The following FAAH2 variants were observed in gnomAD, a reference collection of about 807,000 sequenced individuals.
FAAH2 encodes fatty acid amide hydrolase 2.
Under a neutral mutation model 36.9 loss-of-function variants are expected in FAAH2, and 60 were observed. That is an observed-to-expected ratio of 1.63 (90% CI 1.32 to 2.02). The LOEUF is 2.02. Ranked by LOEUF, FAAH2 falls within the 30% of genes most tolerant of loss-of-function variation. FAAH2 has a pLI of 0.00. For missense variants in FAAH2, 689 were observed against 397.5 expected, an observed-to-expected ratio of 1.73 and a Z score of -6.23; for synonymous variants, 214 against 143.8, an observed-to-expected ratio of 1.49 and a Z score of -3.49.
At chrX:57,236,904 A>G in the FAAH2 span, among the ~76,000 whole-genome samples, 1 of 75,839 alleles carries the variant, frequency 1.3e-5, no homozygotes, top group Middle Eastern at 8.5e-3. Flanking sequence ...TGTGCTTTTC[A>G]TGTACCACCA....
intron 2 of FAAH2, among the ~76,000 whole-genome samples, chrX:57,293,521 T>G (rs2052046793): frequency 8.9e-6 from 1 of 112,045 alleles, no homozygotes; most frequent in Admixed American, 9.5e-5. Flanking sequence ...GATGCCAAGC[T>G]TACATAACAG....
chrX:57,268,023 A>G, the FAAH2 span, among the ~76,000 whole-genome samples: 1 of 112,264 alleles, frequency 8.9e-6, no homozygotes, highest in African/African-American at 3.2e-5. Context: ...TGACAAGTAC[A>G]ATTCAGAATA....
At chrX:57,358,862 C>G (rs2054222793) in intron 5 of FAAH2, among the ~76,000 whole-genome samples, 1 of 111,221 alleles carries the variant, frequency 9.0e-6, no homozygotes, top group Non-Finnish European at 1.9e-5. Flanking sequence ...TCTGATTCCT[C>G]TACATCCTTG....
chrX:57,377,916 A>C (rs1489438275), intron 5 of FAAH2, among the ~76,000 whole-genome samples: 1 of 111,769 alleles, frequency 8.9e-6, no homozygotes, highest in Non-Finnish European at 1.9e-5. Context: ...ATTGTGAATG[A>C]GCGCTCACTC....
the FAAH2 span, among the ~76,000 whole-genome samples, chrX:57,218,259 A>G: frequency 1.8e-4 from 20 of 111,685 alleles, no homozygotes; most frequent in South Asian, 7.2e-3. Flanking sequence ...TGATATAGTG[A>G]CAGTCCTTGT....
At chrX:57,258,447 C>A in the FAAH2 span, among the ~76,000 whole-genome samples, 1 of 110,256 alleles carries the variant, frequency 9.1e-6, no homozygotes, top group Non-Finnish European at 1.9e-5. Flanking sequence ...ATAATTGGGA[C>A]TATATCAATC....
At chrX:57,420,624 A>G (rs2055992425) in intron 7 of FAAH2, among the ~76,000 whole-genome samples, 1 of 109,605 alleles carries the variant, frequency 9.1e-6, no homozygotes, top group Non-Finnish European at 1.9e-5. Context: ...TTTTGGGCTG[A>G]GACAATGTGG....
intron 1 of FAAH2, among the ~76,000 whole-genome samples, chrX:57,287,786 C>T (rs939903080): frequency 8.1e-5 from 9 of 111,591 alleles, no homozygotes; most frequent in African/African-American, 2.9e-4. Flanking sequence ...CTTGTTTTCA[C>T]CTCTCTGCTG....
At chrX:57,339,617 A>T (rs1258871447) in intron 4 of FAAH2, among the ~76,000 whole-genome samples, 1 of 112,421 alleles carries the variant, frequency 8.9e-6, no homozygotes, top group Non-Finnish European at 1.9e-5. Context: ...TCCTCAAAAG[A>T]AAACATTAAT....
At chrX:57,281,187 C>T in the FAAH2 span, among the ~76,000 whole-genome samples, 1 of 111,449 alleles carries the variant, frequency 9.0e-6, no homozygotes, top group Non-Finnish European at 1.9e-5. Context: ...AGGATGTTAC[C>T]ATTGGGGGAA....
chrX:57,313,406 A>G (rs2052749492), intron 3 of FAAH2, among the ~76,000 whole-genome samples: 1 of 109,578 alleles, frequency 9.1e-6, no homozygotes, highest in Non-Finnish European at 1.9e-5. Flanking sequence ...CACATACTAT[A>G]TAAGATGACC....
At chrX:57,231,522 G>A in the FAAH2 span, among the ~76,000 whole-genome samples, 1 of 110,983 alleles carries the variant, frequency 9.0e-6, no homozygotes, top group South Asian at 3.8e-4. Context: ...GTAGCCTTTT[G>A]ATTTGTTTTC....
chrX:57,374,892 G>T (rs2054633230), intron 5 of FAAH2, among the ~76,000 whole-genome samples: 2 of 111,277 alleles, frequency 1.8e-5, no homozygotes, highest in African/African-American at 6.5e-5. Context: ...CTTGTATGCC[G>T]ATTTTGCTGA....
rs777298575 is a variant in FAAH2, at chrX:57,341,301, G to A, written c.653G>A (p.Cys218Tyr). The change falls in exon 5 of 11, where the codon TGC becomes TAC. Residue 218 changes from cysteine (C) to tyrosine (Y), a missense_variant. Cys to Tyr is a radical substitution (Grantham distance 194). Coordinates refer to ENST00000374900, the MANE Select transcript of FAAH2 (RefSeq NM_174912.4). Reference protein sequence around the residue: ...GGEGCTLAAACSVIGVGSDIG... With the variant: ...GGEGCTLAAAYSVIGVGSDIG... ...GAGGGCTGCACACTGGCAGCTGCCTGCTCAGTTATTGGTGTGGGCTCTGAT... is the reference window on the plus strand; with the variant it reads ...GAGGGCTGCACACTGGCAGCTGCCTACTCAGTTATTGGTGTGGGCTCTGAT... The A allele has an allele frequency of 8.3e-7, 1 of 1,209,169 alleles. No homozygotes were observed. Among genetic ancestry groups the A allele is most frequent in the Admixed American group, 2.2e-5 (1 of 45,862 alleles).
At chrX:57,439,494 G>A (rs1205504963) in intron 8 of FAAH2, among the ~76,000 whole-genome samples, 1 of 111,341 alleles carries the variant, frequency 9.0e-6, no homozygotes, top group Non-Finnish European at 1.9e-5. Flanking sequence ...TGTAGATTCT[G>A]GATATTAGCC....
chrX:57,258,623 A>T, the FAAH2 span, among the ~76,000 whole-genome samples: 5 of 111,509 alleles, frequency 4.5e-5, no homozygotes, highest in African/African-American at 1.3e-4. Context: ...CTGATTTTTT[A>T]AAAATGACCA....
the FAAH2 span, among the ~76,000 whole-genome samples, chrX:57,125,008 C>T: frequency 1.8e-5 from 2 of 112,421 alleles, no homozygotes; most frequent in Non-Finnish European, 3.8e-5. Context: ...CTTTCTCCTT[C>T]CTGATTGCCC....
In FAAH2 at chrX:57,384,196, T is replaced by C. The variant is rs780290673; in HGVS notation, c.996+3167T>C. Among the ~76,000 whole-genome samples, 4 of 108,974 alleles carry C rather than the reference T, an allele frequency of 3.7e-5. No individual in the cohort carries two copies. The South Asian group carries it at 1.2e-3, about 33-fold the overall frequency. The allele number at this position is 108,974 out of a possible 115,157, so 94.6% of individuals were successfully genotyped here. A position where few individuals can be genotyped will look rare whatever the true frequency, so the allele number is the denominator to read the frequency against. ...ATTCAAGATGGATTAAAGACTTAAA[T>C]GTTAGACCTAAAACCATAAAAACCC... On this transcript the variant is annotated intron_variant, in intron 7 of 10. Coordinates refer to ENST00000374900, the MANE Select transcript of FAAH2 (RefSeq NM_174912.4).
At position 57,431,893 on chromosome X, in the gene FAAH2, T is replaced by C. The variant is rs372987491; in HGVS notation, c.997-25T>C. ...ATCTCCTCTTCTCATCATGTTTGTC[T>C]GTTTTTATATCTTTCTTTTATAAGG... On this transcript the variant is annotated intron_variant, in intron 7 of 10. Transcript: ENST00000374900. 2.3e-4 allele frequency: 266 copies of C among 1,152,891 alleles called. 1 individual carries two copies. Among genetic ancestry groups the C allele is most frequent in the Non-Finnish European group, 2.3e-4 (200 of 861,956 alleles).
Sources: allele counts gnomAD v4.1 joint callset (sites outside exome capture counted in the v4.1 genomes callset), GRCh38; gene constraint gnomAD v4.1.1; transcripts MANE v1.5; gene names NCBI Gene and HGNC (gene_info 2026-07-23, HGNC 2026-07-21).